Variants in LRRC4C observed in about 807,000 individuals in gnomAD.
LRRC4C encodes the protein leucine-rich repeat-containing protein 4C.
In LRRC4C, 5 loss-of-function variants were observed where a neutral mutation model predicts 33.6. That is an observed-to-expected ratio of 0.15 (90% confidence interval 0.08 to 0.31). The LOEUF (loss-of-function observed/expected upper bound fraction) is 0.31, where lower values mean the gene tolerates loss of function less well. Among genes scored for constraint, LRRC4C ranks in the 10% least tolerant of loss-of-function variants. LRRC4C has a pLI of 1.00. For missense variants in LRRC4C, 560 were observed against 796.7 expected (o/e 0.70, Z 3.58); for synonymous variants, 329 against 302.0 (o/e 1.09, Z -0.93).
intron 2 of LRRC4C, among the ~76,000 whole-genome samples, chr11:40,900,667 A>G (rs1956160909): frequency 6.6e-6 from 1 of 151,860 alleles, no homozygotes; most frequent in South Asian, 2.1e-4. Flanking sequence ...TATCAATATC[A>G]ACACCAAATC....
chr11:40,676,514 TTTCCTTCAAGC>T (rs1944410896), intron 2 of LRRC4C, among the ~76,000 whole-genome samples: 1 of 152,188 alleles, frequency 6.6e-6, no homozygotes, highest in South Asian at 2.1e-4. Flanking sequence ...TTCTGTTTCA[TTTCCTTCAAGC>T]TTCATCAATA....
intron 1 of LRRC4C, among the ~76,000 whole-genome samples, chr11:41,110,492 G>A (rs1302236639): frequency 1.3e-5 from 2 of 151,978 alleles, no homozygotes; most frequent in Non-Finnish European, 2.9e-5. Flanking sequence ...TATTAGAAAT[G>A]ACTTCTAAAC....
intron 1 of LRRC4C, among the ~76,000 whole-genome samples, chr11:41,402,291 A>G (rs1954055704): frequency 6.6e-6 from 1 of 152,048 alleles, no homozygotes; most frequent in South Asian, 2.1e-4. Flanking sequence ...GTTATAATCC[A>G]TCAAATAGTA....
chr11:40,315,053 T>G (rs755584778), intron 4 of LRRC4C, among the ~76,000 whole-genome samples: 1 of 152,004 alleles, frequency 6.6e-6, no homozygotes, highest in Non-Finnish European at 1.5e-5. Context: ...AAGAGGATAT[T>G]GAATGCTTCA....
At chr11:40,825,863 G>T (rs1051808583) in intron 2 of LRRC4C, among the ~76,000 whole-genome samples, 1 of 140,050 alleles carries the variant, frequency 7.1e-6, no homozygotes, top group Admixed American at 7.5e-5. Flanking sequence ...TATTCTTTTC[G>T]TAAGAAAAAA....
chr11:40,592,376 G>A (rs1012718286), intron 3 of LRRC4C, among the ~76,000 whole-genome samples: 1 of 152,126 alleles, frequency 6.6e-6, no homozygotes, highest in African/African-American at 2.4e-5. Flanking sequence ...CCCCATTCCT[G>A]GAGTTTCTAA....
chr11:41,056,037 A>G (rs2135324401), intron 1 of LRRC4C, among the ~76,000 whole-genome samples: 1 of 152,334 alleles, frequency 6.6e-6, no homozygotes, highest in East Asian at 1.9e-4. Flanking sequence ...ACACAAGATC[A>G]TGGGTCCTCA....
At chr11:40,198,973 T>C (rs1862489287) in intron 5 of LRRC4C, among the ~76,000 whole-genome samples, 1 of 152,168 alleles carries the variant, frequency 6.6e-6, no homozygotes, top group African/African-American at 2.4e-5. Flanking sequence ...GGAAGGCAAA[T>C]ACAAAGATTC....
chr11:40,650,120 T>C (rs182166620), intron 2 of LRRC4C, among the ~76,000 whole-genome samples: 32 of 152,272 alleles, frequency 2.1e-4, no homozygotes, highest in African/African-American at 7.5e-4. Context: ...AAATAGATAA[T>C]GAATTTCCTG....
chr11:41,420,734 A>G (rs1360426090), intron 1 of LRRC4C, among the ~76,000 whole-genome samples: 1 of 151,980 alleles, frequency 6.6e-6, no homozygotes, highest in East Asian at 1.9e-4. Context: ...CTTAACATTT[A>G]TCTTCTTAGT....
intron 4 of LRRC4C, among the ~76,000 whole-genome samples, chr11:40,290,999 G>T (rs1270076930): frequency 1.3e-5 from 2 of 152,148 alleles, no homozygotes; most frequent in African/African-American, 4.8e-5. Flanking sequence ...TCTGAGGCTT[G>T]TGTGAGTCAC....
chr11:41,308,562 G>A (rs995794824), intron 1 of LRRC4C, among the ~76,000 whole-genome samples: 1 of 152,040 alleles, frequency 6.6e-6, no homozygotes, highest in African/African-American at 2.4e-5. Context: ...AGCCAAATCA[G>A]GCACAAAAAG....
At chr11:40,676,862 C>T (rs1331327754) in intron 2 of LRRC4C, among the ~76,000 whole-genome samples, 2 of 152,106 alleles carry the variant, frequency 1.3e-5, no homozygotes, top group African/African-American at 4.8e-5. Context: ...AAACATTCCC[C>T]AGTTTCTCGG....
At chr11:41,141,931 G>A (rs1943524436) in intron 1 of LRRC4C, among the ~76,000 whole-genome samples, 1 of 151,744 alleles carries the variant, frequency 6.6e-6, no homozygotes, top group African/African-American at 2.4e-5. Flanking sequence ...TAAAAAATTA[G>A]TCTGTGTATT....
At chr11:41,356,621 C>G (rs78745496) in intron 1 of LRRC4C, among the ~76,000 whole-genome samples, 2,956 of 152,208 alleles carry the variant, frequency 0.019, 91 homozygotes, top group African/African-American at 0.069. Flanking sequence ...CATCCTTCAA[C>G]TTGACCTCCT....
intron 5 of LRRC4C, among the ~76,000 whole-genome samples, chr11:40,219,974 T>G (rs1864284922): frequency 6.6e-6 from 1 of 152,192 alleles, no homozygotes; most frequent in Non-Finnish European, 1.5e-5. Flanking sequence ...TTTTACAACC[T>G]GTATGCATCC....
At chr11:41,024,716 G>A (rs1019749841) in intron 1 of LRRC4C, among the ~76,000 whole-genome samples, 5 of 151,464 alleles carry the variant, frequency 3.3e-5, no homozygotes, top group South Asian at 2.1e-4. Flanking sequence ...TCCCTGTTTC[G>A]TCTATAAAAT....
intron 4 of LRRC4C, among the ~76,000 whole-genome samples, chr11:40,267,284 A>G (rs1344555105): frequency 6.6e-6 from 1 of 152,200 alleles, no homozygotes; most frequent in Admixed American, 6.5e-5. Context: ...GTATGATATT[A>G]GTGAGTGGTA....
In LRRC4C at chr11:40,224,969, G is replaced by A. The variant is rs551292875; in HGVS notation, c.-96+16550C>T. Among the ~76,000 whole-genome samples, 61 of 152,242 alleles carry A rather than the reference G, an allele frequency of 4.0e-4. 1 individual carries two copies. Among genetic ancestry groups the A allele is most frequent in the Non-Finnish European group, 2.9e-5 (2 of 67,998 alleles). On this transcript the variant is annotated intron_variant, in intron 5 of 6. Transcript: ENST00000528697. Reference sequence around the variant, plus strand: ...AATCCCCTCTTCTTAAAATAAAAGAGTTACTACAATAACCCATAATAAGCT... The same window carrying A: ...AATCCCCTCTTCTTAAAATAAAAGAATTACTACAATAACCCATAATAAGCT...
Sources: gnomAD v4.1 joint callset for allele counts (sites outside exome capture counted in the v4.1 genomes callset) on GRCh38, gnomAD v4.1.1 for gene constraint, MANE v1.5 for transcripts, NCBI Gene and HGNC (gene_info 2026-07-23, HGNC 2026-07-21) for gene names.